The following SERPINA12 variants were observed in gnomAD, a reference collection of about 807,000 sequenced individuals.
SERPINA12 encodes serpin A12.
In SERPINA12, 21 loss-of-function variants were observed where a neutral mutation model predicts 25.9. The ratio of observed to expected loss-of-function variants is 0.81; its 90% CI spans 0.58 to 1.17. The LOEUF is 1.17. SERPINA12 is among the 50% of genes most tolerant of loss of function. SERPINA12 has a pLI of 0.00. For missense variants in SERPINA12, 562 were observed against 508.3 expected (o/e 1.11, Z -1.02); for synonymous variants, 220 against 196.0 (o/e 1.12, Z -1.02).
At chr14:94,516,424 CACCTG>C (rs1052617593) in intron 1 of SERPINA12, among the ~76,000 whole-genome samples, 4 of 152,194 alleles carry the variant, frequency 2.6e-5, no homozygotes, top group African/African-American at 9.7e-5. Flanking sequence ...CGGTGTTCCT[CACCTG>C]ACCTGAGACC....
chr14:94,502,005 TG>T (rs1430508251), intron 1 of SERPINA12, among the ~76,000 whole-genome samples: 23 of 151,550 alleles, frequency 1.5e-4, no homozygotes, highest in Admixed American at 4.6e-4. Context: ...AGCAATTGTT[TG>T]TTGGCTTTTA....
chr14:94,489,836 A>C (rs1358036010), intron 3 of SERPINA12, 69 bp from the exon 4 acceptor site: 1 of 1,492,732 alleles, frequency 6.7e-7, no homozygotes. Context: ...CTCAGGATAC[A>C]TGACCAATGA....
chr14:94,500,661 G>T (rs1384483992), intron 1 of SERPINA12, among the ~76,000 whole-genome samples: 1 of 152,162 alleles, frequency 6.6e-6, no homozygotes, highest in Non-Finnish European at 1.5e-5. Context: ...GGCACGGCAG[G>T]CAGGGACTAA....
chr14:94,496,857 T>A (rs1168315842), intron 2 of SERPINA12, among the ~76,000 whole-genome samples: 1 of 152,152 alleles, frequency 6.6e-6, no homozygotes, highest in East Asian at 1.9e-4. Flanking sequence ...AGGACTAGAC[T>A]GCCAAATTAA....
chr14:94,497,574 A>C (rs1279447292), intron 2 of SERPINA12, among the ~76,000 whole-genome samples, 190 bp downstream of exon 2: 1 of 152,234 alleles, frequency 6.6e-6, no homozygotes, highest in Non-Finnish European at 1.5e-5. Context: ...ATACATTTTC[A>C]CTTTAAATCT....
upstream of SERPINA12, chr14:94,511,739 A>C: frequency 3.0e-6 from 3 of 985,102 alleles, no homozygotes; most frequent in Non-Finnish European, 3.6e-6. Context: ...GAATGTCTAT[A>C]ATGTACCAGG....
chr14:94,499,075 A>G (rs1205074862), intron 1 of SERPINA12, among the ~76,000 whole-genome samples: 2 of 152,220 alleles, frequency 1.3e-5, no homozygotes, highest in Non-Finnish European at 2.9e-5. Context: ...ATGAAAGCCA[A>G]TAAATTTCCC....
upstream of SERPINA12, among the ~76,000 whole-genome samples, chr14:94,514,309 A>C (rs1033260611): frequency 9.2e-5 from 14 of 152,218 alleles, no homozygotes; most frequent in Non-Finnish European, 2.1e-4. Flanking sequence ...ACCCCCTCCC[A>C]GCCACAGCTA....
chr14:94,508,291 C>T (rs955552114), intron 1 of SERPINA12, among the ~76,000 whole-genome samples: 28 of 152,238 alleles, frequency 1.8e-4, no homozygotes, highest in African/African-American at 5.3e-4. Flanking sequence ...AAGCAATCTC[C>T]GGTAAGATCC....
intron 1 of SERPINA12, among the ~76,000 whole-genome samples, chr14:94,507,820 C>T (rs1164303175): frequency 6.6e-6 from 1 of 152,178 alleles, no homozygotes; most frequent in Non-Finnish European, 1.5e-5. Flanking sequence ...ACCCTTTGAC[C>T]CATTCATTGT....
chr14:94,500,515 G>T (rs1470057677), intron 1 of SERPINA12, among the ~76,000 whole-genome samples: 1 of 152,184 alleles, frequency 6.6e-6, no homozygotes, highest in African/African-American at 2.4e-5. Context: ...ATCAGTGCAG[G>T]CGGGAATTTC....
At chr14:94,501,424 A>G (rs1190913202) in intron 1 of SERPINA12, among the ~76,000 whole-genome samples, 3 of 152,232 alleles carry the variant, frequency 2.0e-5, no homozygotes, top group African/African-American at 7.2e-5. Flanking sequence ...ACAGCTTTAC[A>G]GTGATGTTCA....
At chr14:94,492,067 G>C (rs888395536) in intron 3 of SERPINA12, among the ~76,000 whole-genome samples, 1 of 152,152 alleles carries the variant, frequency 6.6e-6, no homozygotes, top group Non-Finnish European at 1.5e-5. Context: ...GAGGTGGGAG[G>C]TGATGTGAGA....
chr14:94,492,789 C>G (rs555585281), intron 3 of SERPINA12, among the ~76,000 whole-genome samples: 1 of 152,264 alleles, frequency 6.6e-6, no homozygotes, highest in South Asian at 2.1e-4. Flanking sequence ...AGTGGACCCT[C>G]GACACTTCTG....
intron 1 of SERPINA12, chr14:94,503,436 A>C (rs1900815345): frequency 2.4e-6 from 1 of 414,750 alleles, no homozygotes. Context: ...GAAATGGTCC[A>C]TATTGATGCT....
intron 1 of SERPINA12, among the ~76,000 whole-genome samples, chr14:94,517,230 C>A (rs1356303857): frequency 6.6e-6 from 1 of 152,248 alleles, no homozygotes; most frequent in Non-Finnish European, 1.5e-5. Flanking sequence ...CCTGTCGCAG[C>A]AGGGAGCACA....
At chr14:94,495,090 A>T (rs1424260057) in intron 3 of SERPINA12, among the ~76,000 whole-genome samples, 3 of 79,906 alleles carry the variant, frequency 3.8e-5, no homozygotes, top group South Asian at 4.3e-4. Flanking sequence ...TTTTTTTGAG[A>T]TGGAGTCTCG....
chr14:94,489,893 A>C, intron 3 of SERPINA12, 126 bp from the exon 4 acceptor site: 1 of 922,360 alleles, frequency 1.1e-6, no homozygotes, highest in Non-Finnish European at 1.7e-6. Flanking sequence ...CTCTCCATCC[A>C]CAGAATGAGG....
chr14:94,504,326 G>A (rs1394211965), intron 1 of SERPINA12: 1 of 152,270 alleles, frequency 6.6e-6, no homozygotes, highest in Non-Finnish European at 1.5e-5. Flanking sequence ...GCATGATATC[G>A]TACCGGCCAC....
Sources: gnomAD v4.1 joint callset for allele counts (sites outside exome capture counted in the v4.1 genomes callset) on GRCh38, gnomAD v4.1.1 for gene constraint, MANE v1.5 for transcripts, NCBI Gene and HGNC (gene_info 2026-07-23, HGNC 2026-07-21) for gene names.